The following CSMD1 variants were observed in gnomAD, a reference collection of about 807,000 sequenced individuals.
CSMD1 encodes CUB and Sushi multiple domains 1.
A neutral mutation model predicts 417.5 loss-of-function variants in CSMD1; 213 were observed. The ratio of observed to expected loss-of-function variants is 0.51; its 90% CI spans 0.46 to 0.57. The LOEUF is 0.57. Among genes scored for constraint, CSMD1 ranks in the 20% least tolerant of loss-of-function variants. The pLI is 0.00. For missense variants in CSMD1, 6,923 were observed against 4,529.7 expected (o/e 1.53, Z -15.17); for synonymous variants, 2,862 against 1,736.8 (o/e 1.65, Z -16.11).
At position 4,181,200 on chromosome 8, in the gene CSMD1, A is replaced by C. The variant is rs1032333882; in HGVS notation, c.416-149101T>G. 4.6e-5 allele frequency among the ~76,000 whole-genome samples: 7 copies of C among 152,170 alleles called. 1 individual carries two copies. The highest frequency in any genetic ancestry group is 1.7e-4 in the African/African-American group (7 of 41,456). On this transcript the variant is annotated intron_variant, in intron 3 of 69. Coordinates refer to ENST00000635120, the MANE Select transcript of CSMD1 (RefSeq NM_033225.6). Reference sequence around the variant, plus strand: ...AAAGCATTGAATAAATAGACATCCCATATAGCACCGATGATTTAAATTTGG... The same window carrying C: ...AAAGCATTGAATAAATAGACATCCCCTATAGCACCGATGATTTAAATTTGG...
chr8:4,922,145 C>T (rs1806539693), intron 1 of CSMD1, among the ~76,000 whole-genome samples: 1 of 151,938 alleles, frequency 6.6e-6, no homozygotes, highest in Non-Finnish European at 1.5e-5. Flanking sequence ...AGGTATCTCC[C>T]ACCAGAGTAA....
intron 45 of CSMD1, 33 bp from the exon 46 acceptor site, chr8:3,106,674 G>T: frequency 1.5e-6 from 2 of 1,357,964 alleles, no homozygotes; most frequent in Non-Finnish European, 2.1e-6. Flanking sequence ...CCAGGAAATT[G>T]TGTGTGACCT....
intron 41 of CSMD1, among the ~76,000 whole-genome samples, chr8:3,133,903 G>C (rs895248094): frequency 1.3e-5 from 2 of 152,190 alleles, no homozygotes; most frequent in Admixed American, 6.5e-5. Flanking sequence ...GGCCGGGCGC[G>C]GTGGCTCACG....
Position 3,734,589 on chromosome 8 carries a change from T to A in CSMD1, c.931+19341A>T, listed in dbSNP as rs564449481. ...AGCTAGGCCTGGTGGCGGGCACCTATAATCCCAACTACTCGGGAGTCTGAG... is the reference window on the plus strand; with the variant it reads ...AGCTAGGCCTGGTGGCGGGCACCTAAAATCCCAACTACTCGGGAGTCTGAG... On this transcript the variant is annotated intron_variant, in intron 6 of 69. Coordinates refer to ENST00000635120, the MANE Select transcript of CSMD1 (RefSeq NM_033225.6). 2.6e-5 allele frequency among the ~76,000 whole-genome samples: 4 copies of A among 152,268 alleles called. No individual in the cohort carries two copies. In the East Asian group the frequency reaches 7.7e-4, roughly 29 times the overall value.
At chr8:3,895,707 T>C (rs1466023480) in intron 5 of CSMD1, among the ~76,000 whole-genome samples, 2 of 152,210 alleles carry the variant, frequency 1.3e-5, no homozygotes, top group Non-Finnish European at 2.9e-5. Flanking sequence ...GTTCCTAACT[T>C]GTCAATTTAT....
intron 1 of CSMD1, among the ~76,000 whole-genome samples, chr8:4,902,831 A>C (rs1021977763): frequency 3.4e-4 from 51 of 152,074 alleles, no homozygotes; most frequent in African/African-American, 1.2e-3. Flanking sequence ...ATATACATAC[A>C]TACACATATT....
Position 3,406,202 on chromosome 8 carries a change from G to T in CSMD1, c.2091C>A (p.Cys697Ter). Residue 697 changes from cysteine (C) to a stop codon, truncating the protein, a stop_gained, in exon 15 of 70, where the codon TGC becomes TGA. Coordinates refer to ENST00000635120, the MANE Select transcript of CSMD1 (RefSeq NM_033225.6). LOFTEE classifies it high-confidence loss of function. ...CGTTTATAGGAATGCCAGGATCATGGCACTCATTCTGACCAAATGCTGAAA... is the reference window on the plus strand; with the variant it reads ...CGTTTATAGGAATGCCAGGATCATGTCACTCATTCTGACCAAATGCTGAAA... ...ITYTTFGQNE[C>*]HDPGIPINGR... is the part of the protein sequence containing the mutation. 1 of 1,608,426 alleles carries T rather than the reference G, an allele frequency of 6.2e-7. No individual in the cohort carries two copies. Among genetic ancestry groups the T allele is most frequent in the South Asian group, 1.1e-5 (1 of 90,192 alleles).
At chr8:4,153,591 G>T (rs1476966658) in intron 3 of CSMD1, among the ~76,000 whole-genome samples, 1 of 152,170 alleles carries the variant, frequency 6.6e-6, no homozygotes, top group East Asian at 1.9e-4. Flanking sequence ...CCGTCACAGG[G>T]TGCCCTGAGA....
At chr8:3,648,390 C>A (rs1032569674) in intron 7 of CSMD1, among the ~76,000 whole-genome samples, 3 of 152,166 alleles carry the variant, frequency 2.0e-5, no homozygotes, top group Non-Finnish European at 4.4e-5. Flanking sequence ...CTTTGTGAGA[C>A]TGACATGCTG....
intron 3 of CSMD1, among the ~76,000 whole-genome samples, chr8:4,279,764 T>G (rs1796678036): frequency 6.6e-6 from 1 of 152,204 alleles, no homozygotes; most frequent in Non-Finnish European, 1.5e-5. Flanking sequence ...AAAATAAAAC[T>G]CTACGTAAGA....
Position 4,855,377 on chromosome 8 carries a change from G to A in CSMD1, c.85+138955C>T, listed in dbSNP as rs578074040. 1.1e-3 allele frequency among the ~76,000 whole-genome samples: 169 copies of A among 152,286 alleles called. 1 individual carries two copies. The South Asian group carries it at 0.012, about 10-fold the overall frequency. On this transcript the variant is annotated intron_variant, in intron 1 of 69. Transcript: ENST00000635120. Reference sequence around the variant, plus strand: ...AGCGCCTCTCCTCCTCCAAAGGAACGCAGTTCCTCACCAGCAACGGAACAA... The same window carrying A: ...AGCGCCTCTCCTCCTCCAAAGGAACACAGTTCCTCACCAGCAACGGAACAA...
intron 3 of CSMD1, among the ~76,000 whole-genome samples, chr8:4,245,825 C>G (rs1057114351): frequency 6.6e-6 from 1 of 152,132 alleles, no homozygotes; most frequent in African/African-American, 2.4e-5. Context: ...GACAAGTGTG[C>G]ACAATCACAT....
chr8:3,594,456 C>A (rs1226494949), intron 8 of CSMD1, among the ~76,000 whole-genome samples: 1 of 151,842 alleles, frequency 6.6e-6, no homozygotes, highest in Non-Finnish European at 1.5e-5. Context: ...ATTAAAAAAC[C>A]ACCACAGCAA....
chr8:4,624,054 G>T (rs575405655), intron 2 of CSMD1, among the ~76,000 whole-genome samples: 1 of 152,204 alleles, frequency 6.6e-6, no homozygotes, highest in African/African-American at 2.4e-5. Flanking sequence ...TATTCAAAAT[G>T]ACTATCTCTA....
chr8:3,142,285 C>T (rs1319435271), intron 41 of CSMD1, among the ~76,000 whole-genome samples, 180 bp downstream of exon 41: 1 of 152,166 alleles, frequency 6.6e-6, no homozygotes, highest in Non-Finnish European at 1.5e-5. Flanking sequence ...CCGTCTGTGT[C>T]CTTACCTCTG....
intron 1 of CSMD1, among the ~76,000 whole-genome samples, chr8:4,924,220 T>C (rs908267614): frequency 1.3e-5 from 2 of 152,216 alleles, no homozygotes; most frequent in Non-Finnish European, 2.9e-5. Context: ...GTTATGATCA[T>C]GTAAGTTTTA....
chr8:4,905,816 T>C (rs144393964), intron 1 of CSMD1, among the ~76,000 whole-genome samples: 4 of 105,226 alleles, frequency 3.8e-5, no homozygotes, highest in Non-Finnish European at 5.3e-5. Flanking sequence ...CGAGACTCCA[T>C]CTCAAAAAAA....
chr8:4,382,202 C>A (rs1382359796), intron 3 of CSMD1, among the ~76,000 whole-genome samples: 1 of 152,104 alleles, frequency 6.6e-6, no homozygotes, highest in East Asian at 1.9e-4. Flanking sequence ...TAAAATATCC[C>A]CTTCAAATGG....
chr8:2,978,565 A>T, intron 55 of CSMD1, 47 bp downstream of exon 55: 1 of 1,427,628 alleles, frequency 7.0e-7, no homozygotes, highest in Non-Finnish European at 9.4e-7. Context: ...GCTGATGGTG[A>T]CCTTGCAGGG....
Sources: allele counts gnomAD v4.1 joint callset (sites outside exome capture counted in the v4.1 genomes callset), GRCh38; gene constraint gnomAD v4.1.1; transcripts MANE v1.5; gene names NCBI Gene and HGNC (gene_info 2026-07-23, HGNC 2026-07-21).